Variants in MDM2 observed in about 807,000 individuals in gnomAD.
MDM2 encodes the protein E3 ubiquitin-protein ligase Mdm2.
MDM2 carries 11 observed loss-of-function variants against 64.3 expected under a neutral mutation model. The observed-to-expected ratio is 0.17, with a 90% CI of 0.11 to 0.28. The LOEUF (loss-of-function observed/expected upper bound fraction) is 0.28. Ranked by LOEUF, MDM2 falls within the 10% of genes least tolerant of loss-of-function variation. MDM2 has a pLI of 1.00. For synonymous variants in MDM2, 194 were observed against 192.9 expected, an observed-to-expected ratio of 1.01 and a Z score of -0.05; for missense variants, 388 against 577.1, an observed-to-expected ratio of 0.67 and a Z score of 3.36.
At chr12:68,809,063 G>T (rs1022589399) in intron 1 of MDM2, 145 bp from the exon 2 acceptor site, 25 of 1,498,896 alleles carry the variant, frequency 1.7e-5, no homozygotes, top group Non-Finnish European at 2.2e-5. Flanking sequence ...ACGGACGCAC[G>T]CCACTTTTTC....
At position 68,826,647 on chromosome 12, in the gene MDM2, T is replaced by TCAAAA. The variant is rs756911468; in HGVS notation, c.523+1996_523+1997insCAAAA. On this transcript the variant is annotated intron_variant, in intron 7 of 10. Transcript: ENST00000258149. ...CTGGGGTACAGAGTGAGACTCCCTC[T>TCAAAA]TAAAAAAAAAAAAAAAAGAAAAGAA... is the stretch of plus-strand genomic sequence containing the variant. Among the ~76,000 whole-genome samples the TCAAAA allele has an allele frequency of 2.4e-4, 22 of 91,408 alleles. 1 individual carries two copies. The highest frequency in any genetic ancestry group is 6.9e-4 in the African/African-American group (17 of 24,706). The allele number at this position is 91,408 out of a possible 152,430, so 60.0% of individuals were successfully genotyped here. A position where few individuals can be genotyped will look rare whatever the true frequency, so the allele number is the denominator to read the frequency against.
chr12:68,825,963 A>C (rs1882281692), intron 7 of MDM2, among the ~76,000 whole-genome samples: 1 of 152,244 alleles, frequency 6.6e-6, no homozygotes, highest in Admixed American at 6.5e-5. Flanking sequence ...TGAGTTTAAA[A>C]GTTAAATGAA....
rs1884103499 is a variant in MDM2 at position 68,844,591 on chromosome 12, T to G, written c.*4742T>G. On this transcript the variant is annotated 3_prime_UTR_variant, in exon 11 of 11. Transcript: ENST00000258149. ...CCTGTTTAGTTTTCTGCCTCATCTT[T>G]GAAAGTTCCACCAAGCTGGGAACCT... 4.4e-6 allele frequency: 1 copy of G among 226,406 alleles called. No homozygotes were observed. The highest frequency in any genetic ancestry group is 5.7e-5 in the Admixed American group (1 of 17,518). The allele number at this position is 226,406 out of a possible 1,614,324, so 14.0% of individuals were successfully genotyped here.
chr12:68,816,698 G>A, intron 3 of MDM2, 114 bp from the exon 4 acceptor site: 1 of 928,626 alleles, frequency 1.1e-6, no homozygotes. Flanking sequence ...CTACATAGTT[G>A]TGGATATGGT....
At chr12:68,822,205 C>T (rs1881914775) in intron 5 of MDM2, among the ~76,000 whole-genome samples, 1 of 152,138 alleles carries the variant, frequency 6.6e-6, no homozygotes, top group Non-Finnish European at 1.5e-5. Context: ...TTGCATTGTG[C>T]ATCACACACT....
chr12:68,811,835 C>A (rs899275483), intron 2 of MDM2, among the ~76,000 whole-genome samples: 4 of 152,044 alleles, frequency 2.6e-5, no homozygotes, highest in African/African-American at 9.7e-5. Flanking sequence ...CTTCTGACCT[C>A]CTGATCTGCC....
intron 1 of MDM2, chr12:68,808,836 CG>C: frequency 1.2e-6 from 1 of 845,166 alleles, no homozygotes; most frequent in South Asian, 5.4e-5. Context: ...AGGTGCCTGT[CG>C]GGTCACTAGT....
intron 5 of MDM2, among the ~76,000 whole-genome samples, chr12:68,822,681 G>A (rs1881962239): frequency 6.6e-6 from 1 of 151,710 alleles, no homozygotes. Flanking sequence ...TTTGCAGTCT[G>A]AGTTTGGTTT....
At chr12:68,821,221 T>A (rs527327050) in intron 5 of MDM2, among the ~76,000 whole-genome samples, 1 of 152,146 alleles carries the variant, frequency 6.6e-6, no homozygotes, top group East Asian at 1.9e-4. Flanking sequence ...CTAATTTTTG[T>A]ATTTTTAGTA....
At chr12:68,823,329 TCTGTATATC>T (rs1220546910) in intron 5 of MDM2, among the ~76,000 whole-genome samples, 1 of 152,190 alleles carries the variant, frequency 6.6e-6, no homozygotes, top group Non-Finnish European at 1.5e-5. Context: ...GAGCTCAAAG[TCTGTATATC>T]CAACTACAAA....
chr12:68,844,544 G>T lies in MDM2; in HGVS notation c.*4695G>T, dbSNP rs759368720. 2 of 227,258 alleles carry T rather than the reference G, an allele frequency of 8.8e-6. No individual in the cohort carries two copies. The highest frequency in any genetic ancestry group is 6.3e-5 in the East Asian group (1 of 15,924). The allele number at this position is 227,258 out of a possible 1,614,324, so 14.1% of individuals were successfully genotyped here. On this transcript the variant is annotated 3_prime_UTR_variant, in exon 11 of 11. Transcript: ENST00000258149. ...GCTAGCCACCGTACCACTTGTCAGC[G>T]TGAAAAGTAAGATTGTAATTGCCTG...
chr12:68,833,308 TAA>T (rs1159225888), intron 8 of MDM2, among the ~76,000 whole-genome samples: 1 of 74,330 alleles, frequency 1.3e-5, no homozygotes, highest in African/African-American at 3.6e-5. Context: ...TATATAAATA[TAA>T]AAATATAATT....
At position 68,808,421 on chromosome 12, in the gene MDM2, C is replaced by T; in HGVS notation, c.-57C>T. ...CAGGGCGTCGTGCTTCCGCGCGCCC[C>T]GTGAAGGAAACTGGGGAGTCTTGAG... is the stretch of plus-strand genomic sequence containing the variant. On this transcript the variant is annotated 5_prime_UTR_variant, in exon 1 of 11. Transcript: ENST00000258149. 1.2e-6 allele frequency: 2 copies of T among 1,613,124 alleles called. No individual in the cohort carries two copies. The highest frequency in any genetic ancestry group is 1.1e-5 in the South Asian group (1 of 91,062).
chr12:68,835,011 A>G (rs144414067), intron 8 of MDM2, among the ~76,000 whole-genome samples: 117 of 152,326 alleles, frequency 7.7e-4, no homozygotes, highest in Admixed American at 5.7e-3. Flanking sequence ...AGAAAATCTC[A>G]AAGTTTATTA....
Position 68,809,345 on chromosome 12 carries a change from ATAAAC to A in MDM2, c.99+58_99+62del, listed in dbSNP as rs748837972. 7.3e-6 allele frequency: 11 copies of A among 1,515,956 alleles called. No individual in the cohort carries two copies. The East Asian group carries it at 1.8e-4, about 25-fold the overall frequency. The allele number at this position is 1,515,956 out of a possible 1,614,324, so 93.9% of individuals were successfully genotyped here. A position where few individuals can be genotyped will look rare whatever the true frequency, so the allele number is the denominator to read the frequency against. ...TAAGAATAATTTATTTTATGAAGTGATAAACTAAATTTCGTATACCTCAATTGTAG... is the reference window on the plus strand; with the variant it reads ...TAAGAATAATTTATTTTATGAAGTGATAAATTTCGTATACCTCAATTGTAG... On this transcript the variant is annotated intron_variant, in intron 2 of 10. Transcript: ENST00000258149.
At chr12:68,838,658 C>G (rs1883496403) in intron 10 of MDM2, among the ~76,000 whole-genome samples, 1 of 152,094 alleles carries the variant, frequency 6.6e-6, no homozygotes, top group African/African-American at 2.4e-5. Flanking sequence ...GGGATGGACT[C>G]TTGGAATAGC....
At chr12:68,839,176 GAT>G in intron 10 of MDM2, 96 bp from the exon 11 acceptor site, 4 of 1,057,444 alleles carry the variant, frequency 3.8e-6, no homozygotes, top group Non-Finnish European at 5.5e-6. Context: ...TGAGCCCTAT[GAT>G]ATACTTTACC....
At chr12:68,836,460 A>G (rs1244417454) in intron 9 of MDM2, 5 of 439,204 alleles carry the variant, frequency 1.1e-5, no homozygotes, top group Admixed American at 3.9e-5. Flanking sequence ...TATTCATCCT[A>G]AACATCCTTT....
At chr12:68,829,003 T>C (rs1442101814) in intron 8 of MDM2, 72 bp downstream of exon 8, 1 of 1,442,578 alleles carries the variant, frequency 6.9e-7, no homozygotes, top group South Asian at 1.2e-5. Flanking sequence ...CTAATAAGGA[T>C]ACGGATAGAA....
Sources: allele counts gnomAD v4.1 joint callset (sites outside exome capture counted in the v4.1 genomes callset), GRCh38; gene constraint gnomAD v4.1.1; transcripts MANE v1.5; gene names NCBI Gene and HGNC (gene_info 2026-07-23, HGNC 2026-07-21).